IQSEC3: variants seen among roughly 807,000 people sequenced by gnomAD.
IQSEC3 encodes IQ motif and Sec7 domain ArfGEF 3.
Under a neutral mutation model 105.4 loss-of-function variants are expected in IQSEC3, and 50 were observed. The ratio of observed to expected loss-of-function variants is 0.47; its 90% confidence interval spans 0.38 to 0.60. The LOEUF (loss-of-function observed/expected upper bound fraction) is 0.60. Among genes scored for constraint, IQSEC3 ranks in the 20% least tolerant of loss-of-function variants. The pLI is 0.00. For missense variants in IQSEC3, 1,415 were observed against 1,630.0 expected, an observed-to-expected ratio of 0.87 and a Z score of 2.27; for synonymous variants, 708 against 746.0, an observed-to-expected ratio of 0.95 and a Z score of 0.83.
At chr12:82,159 G>A (rs1863766576) in intron 1 of IQSEC3, among the ~76,000 whole-genome samples, 1 of 152,304 alleles carries the variant, frequency 6.6e-6, no homozygotes, top group Non-Finnish European at 1.5e-5. Context: ...GAACGTAGAT[G>A]AAGTATTAGG....
chr12:147,339 G>A (rs1866317794), intron 5 of IQSEC3, among the ~76,000 whole-genome samples: 2 of 152,190 alleles, frequency 1.3e-5, no homozygotes, highest in African/African-American at 4.8e-5. Flanking sequence ...GTGCTGTTCT[G>A]AGAGGCTTAC....
intron 1 of IQSEC3, among the ~76,000 whole-genome samples, chr12:96,782 A>G (rs952592000): frequency 1.3e-5 from 2 of 152,194 alleles, no homozygotes; most frequent in African/African-American, 4.8e-5. Context: ...TCCTACCCCT[A>G]CTTCCCATCA....
Position 119,721 on chromosome 12 carries a change from A to G in IQSEC3, c.624-5912A>G, listed in dbSNP as rs181287529. ...TTGGCCAATCCCACGTGGCACATCA[A>G]CCTCAGCCCATGTTGGGTAAGAATG... On this transcript the variant is annotated intron_variant, in intron 2 of 13. Coordinates refer to ENST00000538872, the MANE Select transcript of IQSEC3 (RefSeq NM_001170738.2). Among the ~76,000 whole-genome samples the G allele has an allele frequency of 1.1e-4, 16 of 152,250 alleles. No homozygotes were observed. In the East Asian group the frequency reaches 3.1e-3, roughly 29 times the overall value.
intron 1 of IQSEC3, among the ~76,000 whole-genome samples, chr12:71,670 T>C (rs2650183): frequency 1.3e-5 from 2 of 152,294 alleles, no homozygotes; most frequent in African/African-American, 2.4e-5. Flanking sequence ...TACAGCCCTC[T>C]GCTCATCCTA....
intron 3 of IQSEC3, among the ~76,000 whole-genome samples, chr12:133,611 T>C (rs569850279): frequency 5.3e-5 from 8 of 152,274 alleles, no homozygotes; most frequent in African/African-American, 1.9e-4. Context: ...CATCTGGCCT[T>C]TGCTCCTGGA....
At chr12:107,566 T>C (rs1041056879) in intron 2 of IQSEC3, among the ~76,000 whole-genome samples, 71 of 151,922 alleles carry the variant, frequency 4.7e-4, no homozygotes, top group Middle Eastern at 3.4e-3. Flanking sequence ...CCCGCCACCG[T>C]GCCCGGCTAA....
At chr12:122,150 C>A (rs1259752734) in intron 2 of IQSEC3, among the ~76,000 whole-genome samples, 1 of 152,240 alleles carries the variant, frequency 6.6e-6, no homozygotes, top group Non-Finnish European at 1.5e-5. Context: ...GGGCCCCAGT[C>A]TCTCAGGTCC....
At chr12:107,612 G>T (rs540620288) in intron 2 of IQSEC3, among the ~76,000 whole-genome samples, 72 of 151,016 alleles carry the variant, frequency 4.8e-4, no homozygotes, top group Non-Finnish European at 3.8e-4. Flanking sequence ...GGGTTTCACT[G>T]TGTTAGCCAG....
intron 1 of IQSEC3, among the ~76,000 whole-genome samples, chr12:73,923 T>A (rs1555068294): frequency 6.6e-6 from 1 of 152,256 alleles, no homozygotes; most frequent in Non-Finnish European, 1.5e-5. Flanking sequence ...TCTCACAAAT[T>A]TCTAGTTGGC....
At chr12:161,830 C>T in intron 7 of IQSEC3, 96 bp from the exon 8 acceptor site, 2 of 1,313,408 alleles carry the variant, frequency 1.5e-6, no homozygotes, top group Non-Finnish European at 2.1e-6. Context: ...CCCCCGGGAG[C>T]TCCAGGCTGG....
intron 13 of IQSEC3, among the ~76,000 whole-genome samples, chr12:171,792 GGGGCTGTCCTGA>G (rs1245301598): frequency 6.6e-5 from 10 of 152,202 alleles, no homozygotes; most frequent in Non-Finnish European, 1.0e-4. Flanking sequence ...AGAGTAGGGT[GGGGCTGTCCTGA>G]GGGCTGTCCT....
intron 3 of IQSEC3, among the ~76,000 whole-genome samples, chr12:134,229 G>A (rs1354841637): frequency 6.6e-6 from 1 of 152,240 alleles, no homozygotes; most frequent in Admixed American, 6.5e-5. Flanking sequence ...CTATGTGCTG[G>A]GCACTGTCCA....
chr12:155,340 C>T (rs1399711498), intron 5 of IQSEC3, among the ~76,000 whole-genome samples: 3 of 152,336 alleles, frequency 2.0e-5, no homozygotes, highest in African/African-American at 4.8e-5. Context: ...CCCACTGTCC[C>T]GGCCAGCAAG....
At chr12:103,847 G>GGGGAGGCGGGGGC in intron 2 of IQSEC3, among the ~76,000 whole-genome samples, 1 of 5,114 alleles carries the variant, frequency 2.0e-4, no homozygotes, top group African/African-American at 1.6e-3. Flanking sequence ...GAGAGGTGGA[G>GGGGAGGCGGGGGC]TTCATGAGGG....
intron 1 of IQSEC3, among the ~76,000 whole-genome samples, chr12:84,042 G>A (rs1555071416): frequency 6.6e-6 from 1 of 152,210 alleles, no homozygotes; most frequent in African/African-American, 2.4e-5. Flanking sequence ...TTCAGGATTC[G>A]TGTGTGAGCC....
Position 157,696 on chromosome 12 carries a change from TGAG to T in IQSEC3, c.2443+7_2443+9del. 1 of 1,610,514 alleles carries T rather than the reference TGAG, an allele frequency of 6.2e-7. No homozygotes were observed. Among genetic ancestry groups the T allele is most frequent in the Non-Finnish European group, 8.5e-7 (1 of 1,177,746 alleles). On this transcript the variant is annotated splice_donor_5th_base_variant and intron_variant, in intron 7 of 13. Transcript: ENST00000538872. ...AGGACTTCATCCGAAACCTTCGAGG[TGAG>T]GAGGTGGGCACTGGGGCAGGAGGGG...
At chr12:173,286 T>C (rs964665922) in intron 13 of IQSEC3, among the ~76,000 whole-genome samples, 2 of 152,048 alleles carry the variant, frequency 1.3e-5, no homozygotes, top group African/African-American at 4.8e-5. Context: ...TGTGCTGAGG[T>C]TGGAGGCTGA....
intron 2 of IQSEC3, among the ~76,000 whole-genome samples, chr12:114,993 A>G (rs1458252714): frequency 6.6e-6 from 1 of 152,248 alleles, no homozygotes; most frequent in Non-Finnish European, 1.5e-5. Flanking sequence ...CCAATCTGAT[A>G]TGTGCAGCAT....
intron 9 of IQSEC3, 130 bp downstream of exon 9, chr12:163,749 G>A (rs1248495016): frequency 2.8e-6 from 2 of 724,936 alleles, no homozygotes; most frequent in Admixed American, 4.7e-5. Flanking sequence ...CTGTTCCGTG[G>A]GACGGATCTG....
Sources: gnomAD v4.1 joint callset for allele counts (sites outside exome capture counted in the v4.1 genomes callset) on GRCh38, gnomAD v4.1.1 for gene constraint, MANE v1.5 for transcripts, NCBI Gene and HGNC (gene_info 2026-07-23, HGNC 2026-07-21) for gene names.